Variants in PEAK1 observed in about 807,000 individuals in gnomAD.
PEAK1 encodes the protein inactive tyrosine-protein kinase PEAK1.
In PEAK1, 54 loss-of-function variants were observed where a neutral mutation model predicts 124.7. The observed-to-expected ratio is 0.43, with a 90% CI of 0.35 to 0.54. PEAK1 has a LOEUF of 0.54. PEAK1 is among the 20% of genes least tolerant of loss of function. The pLI, the probability that PEAK1 is intolerant of heterozygous loss-of-function variation, is 0.01. For synonymous variants in PEAK1, 719 were observed against 760.0 expected, an observed-to-expected ratio of 0.95 and a Z score of 0.89; for missense variants, 2,046 against 2,134.5, an observed-to-expected ratio of 0.96 and a Z score of 0.82.
chr15:77,171,515 G>A (rs181558580), intron 7 of PEAK1, among the ~76,000 whole-genome samples: 6 of 152,108 alleles, frequency 3.9e-5, no homozygotes, highest in African/African-American at 1.4e-4. Context: ...GAGAGAATAC[G>A]ATAGGCTGGA....
chr15:77,419,570 T>C (rs2073192979), intron 1 of PEAK1: 1 of 985,010 alleles, frequency 1.0e-6, no homozygotes. Context: ...GCTGACCGTG[T>C]GGACCCGGCA....
intron 1 of PEAK1, among the ~76,000 whole-genome samples, chr15:77,374,760 T>C (rs1457226667): frequency 2.0e-5 from 3 of 152,142 alleles, no homozygotes; most frequent in Non-Finnish European, 4.4e-5. Context: ...ATGGAAGGGA[T>C]AAATAGCAGC....
chr15:77,406,224 T>C (rs376375949), intron 1 of PEAK1, among the ~76,000 whole-genome samples: 1 of 152,180 alleles, frequency 6.6e-6, no homozygotes, highest in African/African-American at 2.4e-5. Flanking sequence ...TTTAGCAGTA[T>C]GGATGTAGCC....
rs180935897 is a variant in PEAK1, at chr15:77,203,506, C to T, written c.-114-21466G>A. On this transcript the variant is annotated intron_variant, in intron 6 of 9. Transcript: ENST00000682557. ...ATGAAGAGCAAAATTGGAGGACTGA[C>T]ATTACCCAACTTCAAGACATACTAT... Among the ~76,000 whole-genome samples, 3 of 152,208 alleles carry T rather than the reference C, an allele frequency of 2.0e-5. No homozygotes were observed. In the East Asian group the frequency reaches 5.8e-4, roughly 29 times the overall value.
intron 5 of PEAK1, among the ~76,000 whole-genome samples, chr15:77,267,957 A>T (rs1410617113): frequency 1.3e-5 from 2 of 152,208 alleles, no homozygotes; most frequent in Non-Finnish European, 2.9e-5. Context: ...GAAATAAAAA[A>T]AAATGATATA....
chr15:77,128,564 A>AGG (rs928325584), intron 9 of PEAK1, among the ~76,000 whole-genome samples: 2 of 152,240 alleles, frequency 1.3e-5, no homozygotes, highest in African/African-American at 4.8e-5. Context: ...GTGGGCTTGC[A>AGG]GGGGAGAGTA....
At position 77,182,749 on chromosome 15, in the gene PEAK1, C is replaced by CAAAAAAAAAAA. The variant is rs71143395; in HGVS notation, c.-114-720_-114-710dup. 9.8e-3 allele frequency among the ~76,000 whole-genome samples: 637 copies of CAAAAAAAAAAA among 64,892 alleles called. 56 individuals are homozygous for CAAAAAAAAAAA. Among genetic ancestry groups the CAAAAAAAAAAA allele is most frequent in the East Asian group, 0.029 (58 of 1,976 alleles). The allele number at this position is 64,892 out of a possible 152,430, so 42.6% of individuals were successfully genotyped here. A position where few individuals can be genotyped will look rare whatever the true frequency, so the allele number is the denominator to read the frequency against. ...TGGGTGACAGAGTGAGACCTTGTCT[C>CAAAAAAAAAAA]AAAAAAAAAAAAAAAAAAAAGGCTG... On this transcript the variant is annotated intron_variant, in intron 6 of 9. Coordinates refer to ENST00000682557, the MANE Select transcript of PEAK1 (RefSeq NM_001385026.1).
rs1323602318 is a variant in PEAK1, at chr15:77,293,755, G to C, written c.-602-7251C>G. On this transcript the variant is annotated intron_variant, in intron 2 of 9. Transcript: ENST00000682557. The stretch of plus-strand genomic sequence containing the variant: ...ATTTGTTATATTATTCTCTAGTCTA[G>C]TGTATGCTGAATTTCCATTATAAGG... 3.3e-5 allele frequency among the ~76,000 whole-genome samples: 5 copies of C among 152,132 alleles called. 1 individual carries two copies. The highest frequency in any genetic ancestry group is 1.9e-4 in the East Asian group (1 of 5,194).
At chr15:77,350,304 G>T (rs1177808118) in intron 2 of PEAK1, 9 of 985,208 alleles carry the variant, frequency 9.1e-6, no homozygotes, top group Non-Finnish European at 1.1e-5. Context: ...TAATTTGGGT[G>T]GGAATCCAGC....
chr15:77,273,352 T>C (rs911217744), intron 5 of PEAK1, among the ~76,000 whole-genome samples: 1 of 152,098 alleles, frequency 6.6e-6, no homozygotes, highest in Admixed American at 6.6e-5. Context: ...GACATAATCA[T>C]ATACCTAGAA....
chr15:77,256,203 C>A (rs1258071449), intron 5 of PEAK1, among the ~76,000 whole-genome samples: 1 of 152,052 alleles, frequency 6.6e-6, no homozygotes, highest in Non-Finnish European at 1.5e-5. Flanking sequence ...ATTAGCCTTG[C>A]ATGACTGAAA....
chr15:77,400,062 T>C (rs1458389452), intron 1 of PEAK1, among the ~76,000 whole-genome samples: 1 of 152,112 alleles, frequency 6.6e-6, no homozygotes, highest in Admixed American at 6.5e-5. Flanking sequence ...TATGAAAAGG[T>C]GTTCAATATC....
rs139900496 is a variant in PEAK1 at position 77,373,872 on chromosome 15, T to C, written c.-665-8647A>G. 2.5e-3 allele frequency among the ~76,000 whole-genome samples: 375 copies of C among 152,272 alleles called. 1 individual carries two copies. The highest frequency in any genetic ancestry group is 8.2e-3 in the African/African-American group (342 of 41,550). ...GGGTCAATGGGCATGCTGTCAAAAC[T>C]ATGCAGACAATGATCAGTGATCAGA... On this transcript the variant is annotated intron_variant, in intron 1 of 9. Coordinates refer to ENST00000682557, the MANE Select transcript of PEAK1 (RefSeq NM_001385026.1).
intron 6 of PEAK1, among the ~76,000 whole-genome samples, chr15:77,188,754 T>C (rs1483909337): frequency 1.3e-5 from 2 of 152,180 alleles, no homozygotes; most frequent in African/African-American, 4.8e-5. Context: ...TTTGTAATTA[T>C]GTAAGTCCCC....
chr15:77,103,214 C>A (rs1033946939), downstream of PEAK1: 1 of 152,104 alleles, frequency 6.6e-6, no homozygotes, highest in Non-Finnish European at 1.5e-5. Flanking sequence ...GTGCAGTTCA[C>A]GGCTCACTGT....
intron 2 of PEAK1, among the ~76,000 whole-genome samples, chr15:77,339,683 C>T (rs1190842611): frequency 6.6e-6 from 1 of 152,110 alleles, no homozygotes; most frequent in Non-Finnish European, 1.5e-5. Flanking sequence ...AAAACTTCTG[C>T]TCTGAAAAAG....
chr15:77,278,662 G>A (rs1005160650), intron 5 of PEAK1: 10 of 522,360 alleles, frequency 1.9e-5, no homozygotes, highest in Non-Finnish European at 3.4e-5. Context: ...GCAAGGAGGG[G>A]AATAAGCCTG....
chr15:77,404,009 A>G (rs1160776376), intron 1 of PEAK1: 8 of 968,506 alleles, frequency 8.3e-6, no homozygotes, highest in Non-Finnish European at 8.6e-6. Context: ...TCAGGTAATG[A>G]GCATAGTACC....
rs1050015983 is a variant in PEAK1, at chr15:77,114,051, T to C, written c.*105A>G. The C allele has an allele frequency of 3.7e-5, 46 of 1,236,686 alleles. No individual in the cohort carries two copies. The highest frequency in any genetic ancestry group is 4.5e-4 in the Middle Eastern group (2 of 4,450). The allele number at this position is 1,236,686 out of a possible 1,614,324, so 76.6% of individuals were successfully genotyped here. A position where few individuals can be genotyped will look rare whatever the true frequency, so the allele number is the denominator to read the frequency against. ...CTTGTTCACGGACAGGGATAGAGGT[T>C]TGCCTTTCTTCTTTCCTTGAATTTG... On this transcript the variant is annotated 3_prime_UTR_variant, in exon 10 of 10. Coordinates refer to ENST00000682557, the MANE Select transcript of PEAK1 (RefSeq NM_001385026.1).
Sources: gnomAD v4.1 joint callset for allele counts (sites outside exome capture counted in the v4.1 genomes callset) on GRCh38, gnomAD v4.1.1 for gene constraint, MANE v1.5 for transcripts, NCBI Gene and HGNC (gene_info 2026-07-23, HGNC 2026-07-21) for gene names.